Variants in SFRP2 observed in about 807,000 individuals in gnomAD.
The protein encoded by SFRP2 is secreted frizzled related protein 2, also known as secreted frizzled-related protein 2.
A neutral mutation model predicts 26.0 loss-of-function variants in SFRP2; 16 were observed. The observed-to-expected ratio is 0.61, with a 90% CI of 0.42 to 0.93. The LOEUF (loss-of-function observed/expected upper bound fraction) is 0.93. Ranked by LOEUF, SFRP2 falls within the 40% of genes least tolerant of loss-of-function variation. The pLI, the probability that SFRP2 is intolerant of heterozygous loss-of-function variation, is 0.00. For synonymous variants in SFRP2, 173 were observed against 167.3 expected, an observed-to-expected ratio of 1.03 and a Z score of -0.26; for missense variants, 343 against 392.4, an observed-to-expected ratio of 0.87 and a Z score of 1.06.
rs756734465 is a variant in SFRP2 at position 153,788,465 on chromosome 4, CG to C, written c.370del (p.Arg124AlafsTer62). On this transcript the variant is annotated frameshift_variant, in exon 1 of 3. Coordinates refer to ENST00000274063, the MANE Select transcript of SFRP2 (RefSeq NM_003013.3). LOFTEE classifies it high-confidence loss of function. ...GAAGGCGGACATGACCGGGGCGCAG[CG>C]GTCCTTCACCTGCACGCAGAGCGAG... ...CHSLCVQVKD[R>X]CAPVMSAFGF... 4.3e-6 allele frequency: 7 copies of C among 1,614,196 alleles called. No homozygotes were observed. Among genetic ancestry groups the C allele is most frequent in the African/African-American group, 1.3e-5 (1 of 75,054 alleles).
At chr4:153,788,312 G>C (rs766298515) in intron 1 of SFRP2, 22 bp downstream of exon 1, 5 of 1,601,218 alleles carry the variant, frequency 3.1e-6, no homozygotes, top group South Asian at 2.2e-5. Flanking sequence ...CAGGGAGTGG[G>C]GAAGCAAGAG....
chr4:153,788,751 C>T lies in SFRP2; in HGVS notation c.85G>A (p.Gly29Ser), dbSNP rs779538599. ...LGSARGLFLF[G>S]QPDFSYKRSN... Reference sequence around the variant, plus strand: ...CGCTTGTAGGAGAAGTCGGGCTGGCCAAAGAGGAAGAGCCCGCGCGCCGAG... The same window carrying T: ...CGCTTGTAGGAGAAGTCGGGCTGGCTAAAGAGGAAGAGCCCGCGCGCCGAG... The change falls in exon 1 of 3, where the codon GGC becomes AGC. Residue 29 changes from glycine to serine, a missense_variant. This residue lies in a region of SFRP2 where 251 missense variants were observed against 253.3 expected (regional missense o/e 0.99). Transcript: ENST00000274063. The T allele has an allele frequency of 3.1e-6, 5 of 1,612,610 alleles. No individual in the cohort carries two copies. The highest frequency in any genetic ancestry group is 4.2e-6 in the Non-Finnish European group (5 of 1,180,010).
At chr4:153,785,554 C>CAAAAAA (rs369450385) in intron 2 of SFRP2, among the ~76,000 whole-genome samples, 15,259 of 45,592 alleles carry the variant, frequency 0.33, 3,379 homozygotes, top group South Asian at 0.45. Context: ...TGCCTGTCGG[C>CAAAAAA]AAAAAAAAAA....
rs1055447989 is a variant in SFRP2 at position 153,781,529 on chromosome 4, G to A, written c.810C>T (p.Ile270=). ...MGQKQGGELV[I]TSVKRWQKGQ... is the part of the protein sequence containing the mutation. ...CCTTCTGCCACCGCTTCACCGAGGT[G>A]ATCACCAGCTCCCCACCCTGTTTCT... The change falls in exon 3 of 3, where the codon ATC becomes ATT. Residue 270 remains isoleucine (I), a synonymous_variant. Coordinates refer to ENST00000274063, the MANE Select transcript of SFRP2 (RefSeq NM_003013.3). The A allele has an allele frequency of 1.9e-6, 3 of 1,614,060 alleles. No homozygotes were observed. The African/African-American group carries it at 4.0e-5, about 22-fold the overall frequency.
chr4:153,785,763 CA>C, intron 2 of SFRP2, 100 bp downstream of exon 2: 1 of 745,172 alleles, frequency 1.3e-6, no homozygotes, highest in Non-Finnish European at 2.1e-6. Flanking sequence ...GTGTTTTACC[CA>C]ACCTTTATCT....
Position 153,788,890 on chromosome 4 carries a change from C to T in SFRP2, c.-55G>A, listed in dbSNP as rs776706167. 19 of 1,485,574 alleles carry T rather than the reference C, an allele frequency of 1.3e-5. No individual in the cohort carries two copies. The highest frequency in any genetic ancestry group is 1.7e-5 in the Non-Finnish European group (19 of 1,122,244). 92.0% of individuals were successfully genotyped at this position (1,485,574 alleles called of 1,614,324 possible). A position where few individuals can be genotyped will look rare whatever the true frequency, so the allele number is the denominator to read the frequency against. ...GGAGCGGAGCCGGGGAAGGGCGAGG[C>T]GGCCGGAGTTCGAGCTTGTCCCGGG... On this transcript the variant is annotated 5_prime_UTR_variant, in exon 1 of 3. Coordinates refer to ENST00000274063, the MANE Select transcript of SFRP2 (RefSeq NM_003013.3).
At chr4:153,786,168 G>A (rs947568718) in intron 1 of SFRP2, among the ~76,000 whole-genome samples, 2 of 152,160 alleles carry the variant, frequency 1.3e-5, no homozygotes, top group Admixed American at 1.3e-4. Context: ...AAATGAGAAT[G>A]CCTATATGTT....
Position 153,789,026 on chromosome 4 carries a change from CCGCGCGCAGCT to C in SFRP2, c.-202_-192del. 1 of 591,240 alleles carries C rather than the reference CCGCGCGCAGCT, an allele frequency of 1.7e-6. No individual in the cohort carries two copies. The highest frequency in any genetic ancestry group is 2.8e-6 in the Non-Finnish European group (1 of 362,206). The allele number at this position is 591,240 out of a possible 1,614,324, so 36.6% of individuals were successfully genotyped here. A position where few individuals can be genotyped will look rare whatever the true frequency, so the allele number is the denominator to read the frequency against. On this transcript the variant is annotated 5_prime_UTR_variant, in exon 1 of 3. Transcript: ENST00000274063. ...ACAGCGCGGGCGAGGCGCTGCAAGC[CCGCGCGCAGCT>C]CCGGGGGGCTCCGACCCGGGGGAGC...
At position 153,788,792 on chromosome 4, in the gene SFRP2, G is replaced by A; in HGVS notation, c.44C>T (p.Ser15Leu). 1.2e-6 allele frequency: 2 copies of A among 1,607,532 alleles called. No individual in the cohort carries two copies. The highest frequency in any genetic ancestry group is 1.7e-6 in the Non-Finnish European group (2 of 1,179,682). The stretch of plus-strand genomic sequence containing the variant: ...GCGCGCCGAGCCCAGGCAGCAGTGC[G>A]AGGCGAGGAAGAGCAGCAGCAGCGA... ...PGSLLLLFLA[S>L]HCCLGSARGL... The change falls in exon 1 of 3, where the codon TCG becomes TTG. Residue 15 changes from serine to leucine, a missense_variant. Physicochemically the swap from Ser to Leu is moderately radical, Grantham distance 145 (BLOSUM62 -2). Transcript: ENST00000274063.
At position 153,788,717 on chromosome 4, in the gene SFRP2, C is replaced by A. The variant is rs1741258934; in HGVS notation, c.119G>T (p.Cys40Phe). 1.2e-6 allele frequency: 2 copies of A among 1,613,780 alleles called. No homozygotes were observed. The highest frequency in any genetic ancestry group is 8.5e-7 in the Non-Finnish European group (1 of 1,180,040). The change falls in exon 1 of 3, where the codon TGC becomes TTC. Residue 40 changes from cysteine (C) to phenylalanine (F), a missense_variant. Physicochemically the swap from Cys to Phe is radical, Grantham distance 205. Coordinates refer to ENST00000274063, the MANE Select transcript of SFRP2 (RefSeq NM_003013.3). Reference sequence around the variant, plus strand: ...CTGCAGGTTGGCAGGGATGGGCTTGCAATTGCTGCGCTTGTAGGAGAAGTC... The same window carrying A: ...CTGCAGGTTGGCAGGGATGGGCTTGAAATTGCTGCGCTTGTAGGAGAAGTC... ...QPDFSYKRSN[C>F]KPIPANLQLC...
chr4:153,782,791 T>C (rs1741143622), intron 2 of SFRP2, among the ~76,000 whole-genome samples: 1 of 152,296 alleles, frequency 6.6e-6, no homozygotes, highest in South Asian at 2.1e-4. Flanking sequence ...GCAATGTCCA[T>C]GTTTTTGTAG....
At chr4:153,785,183 C>T (rs955471279) in intron 2 of SFRP2, among the ~76,000 whole-genome samples, 8 of 151,620 alleles carry the variant, frequency 5.3e-5, no homozygotes, top group Admixed American at 2.6e-4. Context: ...AAACTATTTT[C>T]GAAACTGTGG....
At chr4:153,788,219 C>T (rs1560812032) in intron 1 of SFRP2, 115 bp downstream of exon 1, 1 of 1,279,430 alleles carries the variant, frequency 7.8e-7, no homozygotes, top group Non-Finnish European at 1.1e-6. Flanking sequence ...AGAACTTCTG[C>T]CCTTCCCGCT....
At chr4:153,785,478 T>C (rs1325003765) in intron 2 of SFRP2, among the ~76,000 whole-genome samples, 2 of 148,264 alleles carry the variant, frequency 1.3e-5, no homozygotes, top group African/African-American at 5.0e-5. Flanking sequence ...TGGCTGGGGC[T>C]AATATTTACA....
chr4:153,786,070 G>C (rs113265903), intron 1 of SFRP2, 126 bp from the exon 2 acceptor site: 29 of 505,276 alleles, frequency 5.7e-5, no homozygotes, highest in African/African-American at 4.6e-4. Flanking sequence ...CTCAGCTTCT[G>C]CCTCCTCTAT....
In SFRP2 at chr4:153,780,915, G is replaced by A. The variant is rs527260784; in HGVS notation, c.*536C>T. On this transcript the variant is annotated 3_prime_UTR_variant, in exon 3 of 3. Transcript: ENST00000274063. ...GTAACAGTTTAAGTTCCCATTGAAG[G>A]TATAAAATGATGAATTGTTGTAAGA... 5.2e-5 allele frequency: 8 copies of A among 153,578 alleles called. No homozygotes were observed. Among genetic ancestry groups the A allele is most frequent in the Admixed American group, 6.5e-5 (1 of 15,428 alleles). The allele number at this position is 153,578 out of a possible 1,614,324, so 9.5% of individuals were successfully genotyped here.
Position 153,781,392 on chromosome 4 carries a change from A to G in SFRP2, c.*59T>C. 2 of 1,488,380 alleles carry G rather than the reference A, an allele frequency of 1.3e-6. No individual in the cohort carries two copies. The highest frequency in any genetic ancestry group is 1.8e-6 in the Non-Finnish European group (2 of 1,089,064). 92.2% of individuals were successfully genotyped at this position (1,488,380 alleles called of 1,614,324 possible). ...TGGGGAACGGGAGCTGAGATCCCGGAGCAGAAATGGTCAGCCGTGCTCTGG... is the reference window on the plus strand; with the variant it reads ...TGGGGAACGGGAGCTGAGATCCCGGGGCAGAAATGGTCAGCCGTGCTCTGG... On this transcript the variant is annotated 3_prime_UTR_variant, in exon 3 of 3. Coordinates refer to ENST00000274063, the MANE Select transcript of SFRP2 (RefSeq NM_003013.3).
intron 2 of SFRP2, among the ~76,000 whole-genome samples, chr4:153,784,316 A>C (rs1322296169): frequency 2.6e-5 from 4 of 152,210 alleles, no homozygotes. Context: ...TGTTTTGGTA[A>C]GGCTCTGGTG....
At position 153,788,917 on chromosome 4, in the gene SFRP2, CCGCT is replaced by C; in HGVS notation, c.-86_-83del. ...GCCGGAGTTCGAGCTTGTCCCGGGC[CCGCT>C]CTCTTCGCTGGGTGCGACTCGGGGC... On this transcript the variant is annotated 5_prime_UTR_variant, in exon 1 of 3. Transcript: ENST00000274063. 1 of 1,422,842 alleles carries C rather than the reference CCGCT, an allele frequency of 7.0e-7. No homozygotes were observed. Among genetic ancestry groups the C allele is most frequent in the Non-Finnish European group, 9.2e-7 (1 of 1,087,828 alleles). The allele number at this position is 1,422,842 out of a possible 1,614,324, so 88.1% of individuals were successfully genotyped here. A position where few individuals can be genotyped will look rare whatever the true frequency, so the allele number is the denominator to read the frequency against.
Sources: allele counts gnomAD v4.1 joint callset (sites outside exome capture counted in the v4.1 genomes callset), GRCh38; gene constraint gnomAD v4.1.1; regional missense constraint gnomAD v4.1.1; transcripts MANE v1.5; gene names NCBI Gene and HGNC (gene_info 2026-07-23, HGNC 2026-07-21).